Variants in TMEM132D observed in about 807,000 individuals in gnomAD.
The protein encoded by TMEM132D is mature OL transmembrane protein.
TMEM132D carries 21 observed loss-of-function variants against 62.3 expected under a neutral mutation model. The ratio of observed to expected loss-of-function variants is 0.34; its 90% CI spans 0.24 to 0.49. The LOEUF (loss-of-function observed/expected upper bound fraction) is 0.49, where lower values mean the gene tolerates loss of function less well. Ranked by LOEUF, TMEM132D falls within the 20% of genes least tolerant of loss-of-function variation. The probability of loss-of-function intolerance (pLI) is 0.99; values close to 1 mark genes in which losing one functional copy is unlikely to be tolerated. For synonymous variants in TMEM132D, 621 were observed against 575.6 expected (o/e 1.08, Z -1.13); for missense variants, 1,346 against 1,402.8 (o/e 0.96, Z 0.65).
intron 2 of TMEM132D, among the ~76,000 whole-genome samples, chr12:129,622,777 G>A (rs920421720): frequency 2.0e-5 from 3 of 152,188 alleles, no homozygotes; most frequent in Non-Finnish European, 4.4e-5. Context: ...AGCCACAGGA[G>A]TGATCATGTG....
intron 3 of TMEM132D, among the ~76,000 whole-genome samples, chr12:129,516,490 CAG>C (rs752638883): frequency 2.8e-4 from 43 of 151,628 alleles, no homozygotes; most frequent in Admixed American, 1.9e-3. Context: ...TGGTGGCAGA[CAG>C]GAGAGAAAAT....
chr12:129,656,874 C>G (rs1880097977), intron 2 of TMEM132D, among the ~76,000 whole-genome samples: 2 of 152,174 alleles, frequency 1.3e-5, no homozygotes, highest in Admixed American at 1.3e-4. Flanking sequence ...AGCTCAGACT[C>G]AAACTCAGAC....
intron 4 of TMEM132D, among the ~76,000 whole-genome samples, chr12:129,227,594 A>AATAT (rs201558290): frequency 2.3e-4 from 34 of 148,702 alleles, no homozygotes; most frequent in East Asian, 1.2e-3. Flanking sequence ...TTTATTTTTT[A>AATAT]ATATATATAT....
At chr12:129,551,775 C>G (rs1242361241) in intron 2 of TMEM132D, among the ~76,000 whole-genome samples, 1 of 152,220 alleles carries the variant, frequency 6.6e-6, no homozygotes, top group African/African-American at 2.4e-5. Flanking sequence ...TTGGGAACCT[C>G]TGCTTCTGCC....
chr12:129,777,409 C>T lies in TMEM132D; in HGVS notation c.80-76711G>A, dbSNP rs1462668773. ...GCGTGGGAAGAACAGAATCCACTTG[C>T]GAGCTAGATTCAGGCTGCAAGCTCC... On this transcript the variant is annotated intron_variant, in intron 1 of 8. Transcript: ENST00000422113. Among the ~76,000 whole-genome samples, 7 of 152,164 alleles carry T rather than the reference C, an allele frequency of 4.6e-5. No homozygotes were observed. In the South Asian group the frequency reaches 8.3e-4, roughly 18 times the overall value.
At chr12:129,356,654 CAATAAATAAATA>C (rs200753521) in intron 3 of TMEM132D, among the ~76,000 whole-genome samples, 5 of 116,072 alleles carry the variant, frequency 4.3e-5, no homozygotes, top group African/African-American at 1.2e-4. Context: ...CCTGTCTCTA[CAATAAATAAATA>C]AATAAATAAA....
intron 4 of TMEM132D, among the ~76,000 whole-genome samples, chr12:129,329,181 C>T (rs1869020698): frequency 2.0e-5 from 3 of 151,970 alleles, no homozygotes; most frequent in Admixed American, 1.3e-4. Context: ...GTTCCTAGAA[C>T]CATGCATGGT....
intron 2 of TMEM132D, among the ~76,000 whole-genome samples, chr12:129,651,308 G>A (rs930239401): frequency 1.3e-5 from 2 of 152,140 alleles, no homozygotes; most frequent in African/African-American, 4.8e-5. Context: ...AAGTCGCATT[G>A]ATACTACAGG....
intron 1 of TMEM132D, among the ~76,000 whole-genome samples, chr12:129,756,746 A>G (rs1870181700): frequency 6.6e-6 from 1 of 152,216 alleles, no homozygotes; most frequent in Non-Finnish European, 1.5e-5. Flanking sequence ...CCAATTCTCT[A>G]AAGAAGAATT....
chr12:129,715,810 C>T (rs571907634), intron 1 of TMEM132D, among the ~76,000 whole-genome samples: 86 of 152,318 alleles, frequency 5.6e-4, no homozygotes, highest in African/African-American at 2.0e-3. Context: ...GAAGAGGAGA[C>T]GCTGGTGGCA....
intron 3 of TMEM132D, among the ~76,000 whole-genome samples, chr12:129,448,186 G>A (rs546254085): frequency 3.6e-4 from 55 of 152,160 alleles, no homozygotes; most frequent in African/African-American, 1.0e-3. Flanking sequence ...TATGTTTGAC[G>A]GATGCAGAAA....
chr12:129,237,843 G>C (rs1437570360), intron 4 of TMEM132D, among the ~76,000 whole-genome samples: 1 of 152,014 alleles, frequency 6.6e-6, no homozygotes, highest in Non-Finnish European at 1.5e-5. Context: ...AGCTGGGCAC[G>C]GTGGCAGGAA....
rs534404127 is a variant in TMEM132D, at chr12:129,869,506, C to T, written c.79+33755G>A. 8.5e-5 allele frequency among the ~76,000 whole-genome samples: 13 copies of T among 152,240 alleles called. No homozygotes were observed. In the South Asian group the frequency reaches 1.2e-3, roughly 15 times the overall value. On this transcript the variant is annotated intron_variant, in intron 1 of 8. Transcript: ENST00000422113. ...GTAAATGCTATTTAAGTGGTTGTTACGCCGTATTGCTTTCATATTTGCATT... is the reference window on the plus strand; with the variant it reads ...GTAAATGCTATTTAAGTGGTTGTTATGCCGTATTGCTTTCATATTTGCATT...
At chr12:129,298,262 T>C (rs987538989) in intron 4 of TMEM132D, among the ~76,000 whole-genome samples, 1 of 152,210 alleles carries the variant, frequency 6.6e-6, no homozygotes. Context: ...CTCAGAATTT[T>C]AGAGCTAAAG....
chr12:129,417,883 G>A (rs1347853038), intron 3 of TMEM132D, among the ~76,000 whole-genome samples: 1 of 152,164 alleles, frequency 6.6e-6, no homozygotes, highest in Non-Finnish European at 1.5e-5. Flanking sequence ...TCAAACAATA[G>A]GCAAAGGATA....
intron 4 of TMEM132D, among the ~76,000 whole-genome samples, chr12:129,256,988 A>G (rs1880417790): frequency 6.6e-6 from 1 of 152,200 alleles, no homozygotes; most frequent in South Asian, 2.1e-4. Flanking sequence ...GCAGCTGGCC[A>G]GAGAGCTATG....
At chr12:129,287,118 T>G (rs1881323708) in intron 4 of TMEM132D, among the ~76,000 whole-genome samples, 1 of 150,096 alleles carries the variant, frequency 6.7e-6, no homozygotes. Context: ...AAACAGAAAA[T>G]GTATGTGATA....
At chr12:129,303,967 G>A (rs1393679497) in intron 4 of TMEM132D, among the ~76,000 whole-genome samples, 2 of 152,196 alleles carry the variant, frequency 1.3e-5, no homozygotes, top group African/African-American at 2.4e-5. Flanking sequence ...CCACCTTTGT[G>A]TTCTGCTTGC....
chr12:129,339,465 T>A (rs1385059394), intron 3 of TMEM132D, among the ~76,000 whole-genome samples: 1 of 152,162 alleles, frequency 6.6e-6, no homozygotes, highest in East Asian at 1.9e-4. Flanking sequence ...AGCTGGTTTT[T>A]GAATCCTACA....
Sources: gnomAD v4.1 joint callset for allele counts (sites outside exome capture counted in the v4.1 genomes callset) on GRCh38, gnomAD v4.1.1 for gene constraint, MANE v1.5 for transcripts, NCBI Gene and HGNC (gene_info 2026-07-23, HGNC 2026-07-21) for gene names.